Variants in FGF10 observed in about 807,000 individuals in gnomAD.
The protein encoded by FGF10 is FGF-10.
A neutral mutation model predicts 19.8 loss-of-function variants in FGF10; 2 were observed. The observed-to-expected ratio is 0.10, with a 90% CI of 0.04 to 0.32. The LOEUF (loss-of-function observed/expected upper bound fraction) is 0.32, where lower values mean the gene tolerates loss of function less well. Among genes scored for constraint, FGF10 ranks in the 10% least tolerant of loss-of-function variants. The pLI is 1.00. For missense variants in FGF10, 191 were observed against 246.3 expected, an observed-to-expected ratio of 0.78 and a Z score of 1.50; for synonymous variants, 112 against 94.0, an observed-to-expected ratio of 1.19 and a Z score of -1.10.
At chr5:44,315,894 T>C (rs187048664) in intron 1 of FGF10, among the ~76,000 whole-genome samples, 166 of 152,216 alleles carry the variant, frequency 1.1e-3, no homozygotes, top group Non-Finnish European at 2.2e-3. Flanking sequence ...TACCTCTCTT[T>C]AAAAATGAAA....
chr5:44,363,024 A>G (rs1336565204), intron 1 of FGF10, among the ~76,000 whole-genome samples: 1 of 151,832 alleles, frequency 6.6e-6, no homozygotes, highest in Non-Finnish European at 1.5e-5. Context: ...TAGTTGTTGA[A>G]TAATGAATGT....
At chr5:44,386,504 C>A (rs912748377) in intron 1 of FGF10, among the ~76,000 whole-genome samples, 1 of 152,112 alleles carries the variant, frequency 6.6e-6, no homozygotes, top group Admixed American at 6.5e-5. Context: ...CCCCATCCTG[C>A]TAACTGAATG....
intron 1 of FGF10, among the ~76,000 whole-genome samples, chr5:44,349,455 T>TATATCAGA (rs1554038167): frequency 2.8e-5 from 1 of 35,998 alleles, no homozygotes; most frequent in Non-Finnish European, 5.3e-5. Flanking sequence ...TATATATATA[T>TATATCAGA]ATATATATAT....
At chr5:44,337,074 A>G (rs924053494) in intron 1 of FGF10, among the ~76,000 whole-genome samples, 2 of 152,182 alleles carry the variant, frequency 1.3e-5, no homozygotes, top group African/African-American at 2.4e-5. Flanking sequence ...CTATTATAAC[A>G]AATTTTAATC....
At chr5:44,338,884 A>T (rs1419331070) in intron 1 of FGF10, among the ~76,000 whole-genome samples, 2 of 152,218 alleles carry the variant, frequency 1.3e-5, no homozygotes, top group Non-Finnish European at 1.5e-5. Flanking sequence ...AGAAAAGCAA[A>T]CTGTATCTAG....
intron 1 of FGF10, among the ~76,000 whole-genome samples, chr5:44,328,637 C>T (rs192093880): frequency 1.3e-5 from 2 of 152,208 alleles, no homozygotes; most frequent in Admixed American, 1.3e-4. Context: ...TGATGCATGC[C>T]TGTGGTCCCA....
At chr5:44,320,939 G>T (rs192252380) in intron 1 of FGF10, among the ~76,000 whole-genome samples, 1 of 151,798 alleles carries the variant, frequency 6.6e-6, no homozygotes, top group Non-Finnish European at 1.5e-5. Context: ...TCAAACTCCT[G>T]GCCTCAAGCA....
At chr5:44,369,141 A>G (rs1219563756) in intron 1 of FGF10, among the ~76,000 whole-genome samples, 2 of 152,126 alleles carry the variant, frequency 1.3e-5, no homozygotes, top group South Asian at 4.1e-4. Flanking sequence ...GAAACACCCA[A>G]GGTGGACAGA....
At chr5:44,378,587 G>A (rs564821124) in intron 1 of FGF10, among the ~76,000 whole-genome samples, 2 of 152,074 alleles carry the variant, frequency 1.3e-5, no homozygotes, top group South Asian at 4.1e-4. Flanking sequence ...GCCCGCCACC[G>A]CGCCCGGCTA....
At chr5:44,332,095 A>C (rs576990236) in intron 1 of FGF10, among the ~76,000 whole-genome samples, 6 of 152,270 alleles carry the variant, frequency 3.9e-5, no homozygotes, top group African/African-American at 1.4e-4. Flanking sequence ...TTTCCATTTA[A>C]ATAATACAAA....
intron 1 of FGF10, among the ~76,000 whole-genome samples, chr5:44,364,323 C>G (rs944714823): frequency 6.6e-6 from 1 of 151,772 alleles, no homozygotes; most frequent in Admixed American, 6.6e-5. Flanking sequence ...TGTATATTAA[C>G]AGGAAGATGC....
rs149035525 is a variant in FGF10, at chr5:44,375,520, A to T, written c.325+12838T>A. Among the ~76,000 whole-genome samples, 91 of 152,316 alleles carry T rather than the reference A, an allele frequency of 6.0e-4. 1 individual carries two copies. Among genetic ancestry groups the T allele is most frequent in the African/African-American group, 1.6e-3 (65 of 41,574 alleles). On this transcript the variant is annotated intron_variant, in intron 1 of 2. Coordinates refer to ENST00000264664, the MANE Select transcript of FGF10 (RefSeq NM_004465.2). ...AAATAGCTATAATGGGCACTGTAGT[A>T]ACAAACGAGGCCAGGGAGTTGGTAG... is the stretch of plus-strand genomic sequence containing the variant.
chr5:44,329,965 C>T (rs1178213029), intron 1 of FGF10, among the ~76,000 whole-genome samples: 1 of 152,146 alleles, frequency 6.6e-6, no homozygotes, highest in Non-Finnish European at 1.5e-5. Context: ...CAAAGCTGGT[C>T]TAGGATAAGC....
chr5:44,333,694 G>A (rs1408742001), intron 1 of FGF10, among the ~76,000 whole-genome samples: 1 of 152,114 alleles, frequency 6.6e-6, no homozygotes, highest in African/African-American at 2.4e-5. Flanking sequence ...TTTTCAAAAT[G>A]TTAACTCCAG....
At chr5:44,318,457 C>A (rs1740406867) in intron 1 of FGF10, among the ~76,000 whole-genome samples, 2 of 152,162 alleles carry the variant, frequency 1.3e-5, no homozygotes, top group South Asian at 4.1e-4. Flanking sequence ...GCCAGAGCAT[C>A]ATGGCCACAT....
chr5:44,300,804 A>G lies in FGF10; in HGVS notation c.*4191T>C, dbSNP rs1406595613. 1.3e-5 allele frequency among the ~76,000 whole-genome samples: 2 copies of G among 151,876 alleles called. No homozygotes were observed. Among genetic ancestry groups the G allele is most frequent in the African/African-American group, 4.8e-5 (2 of 41,340 alleles). ...CCTCTCTGTGGTCATGTCACTGAAG[A>G]TTGGTCAATCACAATTCCCAAATCT... On this transcript the variant is annotated 3_prime_UTR_variant, in exon 3 of 3. Coordinates refer to ENST00000264664, the MANE Select transcript of FGF10 (RefSeq NM_004465.2).
At chr5:44,344,799 G>A (rs1195247194) in intron 1 of FGF10, among the ~76,000 whole-genome samples, 1 of 151,662 alleles carries the variant, frequency 6.6e-6, no homozygotes, top group Non-Finnish European at 1.5e-5. Flanking sequence ...GTAAAAGAAA[G>A]GAAGTTTTGG....
chr5:44,371,424 T>C (rs1741738611), intron 1 of FGF10, among the ~76,000 whole-genome samples: 1 of 152,088 alleles, frequency 6.6e-6, no homozygotes, highest in African/African-American at 2.4e-5. Context: ...CAACAGAAAA[T>C]GAACTAAGGC....
intron 1 of FGF10, among the ~76,000 whole-genome samples, chr5:44,363,637 A>T (rs2111861211): frequency 6.6e-6 from 1 of 152,014 alleles, no homozygotes; most frequent in African/African-American, 2.4e-5. Context: ...CACCCACCTT[A>T]AATGTGACTT....
Sources: allele counts gnomAD v4.1 joint callset (sites outside exome capture counted in the v4.1 genomes callset), GRCh38; gene constraint gnomAD v4.1.1; transcripts MANE v1.5; gene names NCBI Gene and HGNC (gene_info 2026-07-23, HGNC 2026-07-21).